The following ZSCAN32 variants were observed in gnomAD, a reference collection of about 807,000 sequenced individuals.
The protein encoded by ZSCAN32 is zinc finger and SCAN domain-containing protein 32.
Under a neutral mutation model 47.4 loss-of-function variants are expected in ZSCAN32, and 52 were observed. That is an observed-to-expected ratio of 1.10 (90% CI 0.88 to 1.38). The LOEUF (loss-of-function observed/expected upper bound fraction) is 1.38, where lower values mean the gene tolerates loss of function less well. Ranked by LOEUF, ZSCAN32 falls within the 40% of genes most tolerant of loss-of-function variation. The pLI, the probability that ZSCAN32 is intolerant of heterozygous loss-of-function variation, is 0.00. For missense variants in ZSCAN32, 959 were observed against 846.0 expected, an observed-to-expected ratio of 1.13 and a Z score of -1.66; for synonymous variants, 346 against 305.7, an observed-to-expected ratio of 1.13 and a Z score of -1.38.
chr16:3,383,719 A>G lies in ZSCAN32; in HGVS notation c.1235-8T>C, dbSNP rs1247752078. On this transcript the variant is annotated splice_polypyrimidine_tract_variant and splice_region_variant and intron_variant, in intron 6 of 6. Transcript: ENST00000396852. ...CGTTCTTGAACTCAAAACCTGAAAA[A>G]AAAAAACCCCACAGAAATACAATGG... 1 of 1,565,266 alleles carries G rather than the reference A, an allele frequency of 6.4e-7. No individual in the cohort carries two copies.
rs750159570 is a variant in ZSCAN32, at chr16:3,383,434, A to G, written c.1512T>C (p.Ser504=). The part of the protein sequence containing the change: ...CTHILCGKNC[S]QSVHSPHKPA... ...GCTTGTGGGGAGAGTGCACACTCTG[A>G]GAGCAGTTTTTCCCACAGAGGATAT... is the stretch of plus-strand genomic sequence containing the variant. Residue 504 remains serine (S), a synonymous_variant, in exon 7 of 7, where the codon TCT becomes TCC. Coordinates refer to ENST00000396852, the MANE Select transcript of ZSCAN32 (RefSeq NM_001284527.2). 2 of 1,614,184 alleles carry G rather than the reference A, an allele frequency of 1.2e-6. No homozygotes were observed. Among genetic ancestry groups the G allele is most frequent in the Admixed American group, 3.3e-5 (2 of 60,026 alleles).
intron 3 of ZSCAN32, among the ~76,000 whole-genome samples, chr16:3,392,227 T>C (rs764881324): frequency 6.6e-6 from 1 of 152,188 alleles, no homozygotes; most frequent in Non-Finnish European, 1.5e-5. Flanking sequence ...GTTTAATGGG[T>C]ACAGGGTTTC....
intron 6 of ZSCAN32, chr16:3,384,237 A>G (rs1596443408): frequency 3.2e-6 from 2 of 621,548 alleles, no homozygotes; most frequent in Non-Finnish European, 5.6e-6. Context: ...ATGGGAAAAG[A>G]TGACATGAAC....
intron 2 of ZSCAN32, among the ~76,000 whole-genome samples, chr16:3,395,002 T>A (rs1304857618): frequency 6.6e-6 from 1 of 152,214 alleles, no homozygotes; most frequent in Non-Finnish European, 1.5e-5. Context: ...TCTGAAACGA[T>A]CTTTATGGTT....
rs1332154133 is a variant in ZSCAN32, at chr16:3,397,399, T to C, written c.159A>G (p.Glu53=). ...AGAGTTCCCAGAGTTTGCTAAAAGCTTCATGTGGGCCAGTTACCTCCTGGT... is the reference window on the plus strand; with the variant it reads ...AGAGTTCCCAGAGTTTGCTAAAAGCCTCATGTGGGCCAGTTACCTCCTGGT... ...FCYQEVTGPH[E]AFSKLWELCC... Residue 53 remains glutamate (E), a synonymous_variant, in exon 2 of 7, where the codon GAA becomes GAG. Transcript: ENST00000396852. 4 of 1,553,366 alleles carry C rather than the reference T, an allele frequency of 2.6e-6. No individual in the cohort carries two copies. In the East Asian group the frequency reaches 9.7e-5, roughly 38 times the overall value.
At chr16:3,390,366 A>G in intron 4 of ZSCAN32, 57 bp downstream of exon 4, 1 of 1,462,476 alleles carries the variant, frequency 6.8e-7, no homozygotes, top group Non-Finnish European at 9.2e-7. Flanking sequence ...GGAAAGGAGG[A>G]GGGTTTTGGG....
Position 3,384,594 on chromosome 16 carries a change from T to C in ZSCAN32, c.1099A>G (p.Asn367Asp), listed in dbSNP as rs766772123. 10 of 1,614,052 alleles carry C rather than the reference T, an allele frequency of 6.2e-6. No homozygotes were observed. The African/African-American group carries it at 1.1e-4, about 17-fold the overall frequency. ...TCCGTGGGTTCCCCATTCTGGTGAT[T>C]CAGCTCTCCAGCCTCAATATCACTT... is the stretch of plus-strand genomic sequence containing the variant. The part of the protein sequence containing the change: ...EGSDIEAGEL[N>D]HQNGEPTEVE... The change falls in exon 6 of 7, where the codon AAT becomes GAT. Residue 367 changes from asparagine (N) to aspartate (D), a missense_variant. Coordinates refer to ENST00000396852, the MANE Select transcript of ZSCAN32 (RefSeq NM_001284527.2).
intron 1 of ZSCAN32, among the ~76,000 whole-genome samples, chr16:3,398,054 G>C (rs1040111768): frequency 1.2e-4 from 19 of 152,296 alleles, no homozygotes; most frequent in African/African-American, 4.6e-4. Context: ...TAGTTTGAAT[G>C]ATAATAACCC....
At chr16:3,385,250 C>A (rs904752807) in intron 5 of ZSCAN32, among the ~76,000 whole-genome samples, 1 of 152,102 alleles carries the variant, frequency 6.6e-6, no homozygotes, top group Non-Finnish European at 1.5e-5. Context: ...CACTTGAACC[C>A]AGGAGGCAGA....
Position 3,382,718 on chromosome 16 carries a change from C to G in ZSCAN32, c.*134G>C. 1 of 1,411,314 alleles carries G rather than the reference C, an allele frequency of 7.1e-7. No individual in the cohort carries two copies. The highest frequency in any genetic ancestry group is 9.4e-7 in the Non-Finnish European group (1 of 1,063,456). 87.4% of individuals were successfully genotyped at this position (1,411,314 alleles called of 1,614,324 possible). A position where few individuals can be genotyped will look rare whatever the true frequency, so the allele number is the denominator to read the frequency against. ...CAGCGTCCTTATGCTGACTCCTGGT[C>G]CTAGACATGGGTCTTAAGATCCAGT... On this transcript the variant is annotated 3_prime_UTR_variant, in exon 7 of 7. Transcript: ENST00000396852.
In ZSCAN32 at chr16:3,390,043, C is replaced by T. The variant is rs1448906101; in HGVS notation, c.718G>A (p.Ala240Thr). The change falls in exon 5 of 7, where the codon GCC (alanine) becomes ACC (threonine). Residue 240 changes from alanine to threonine, a missense_variant. Coordinates refer to ENST00000396852, the MANE Select transcript of ZSCAN32 (RefSeq NM_001284527.2). ...GPAQRALYRG[A>T]TQRKDSHVSL... ...ACGTGACTGTCCTTCCTCTGGGTGG[C>T]ACCCCTGTAGAGGGCCCTTTGTGCA... is the stretch of plus-strand genomic sequence containing the variant. 2 of 1,613,582 alleles carry T rather than the reference C, an allele frequency of 1.2e-6. No individual in the cohort carries two copies. The highest frequency in any genetic ancestry group is 2.2e-5 in the East Asian group (1 of 44,884).
intron 3 of ZSCAN32, among the ~76,000 whole-genome samples, chr16:3,393,218 A>AGAAATATATATATT (rs1596219602): frequency 2.1e-4 from 4 of 19,146 alleles, no homozygotes; most frequent in African/African-American, 1.6e-3. Flanking sequence ...TTATATATAT[A>AGAAATATATATATT]TATATATATA....
Position 3,383,338 on chromosome 16 carries a change from A to T in ZSCAN32, c.1608T>A (p.Leu536=), listed in dbSNP as rs985192867. 1.2e-6 allele frequency: 2 copies of T among 1,614,222 alleles called. No homozygotes were observed. Among genetic ancestry groups the T allele is most frequent in the South Asian group, 2.2e-5 (2 of 91,080 alleles). Residue 536 remains leucine (L), a synonymous_variant, in exon 7 of 7, where the codon CTT becomes CTA. Transcript: ENST00000396852. ...CGKTFSRSSY[L]VRHQRIHTGE... is the part of the protein sequence containing the mutation. Reference sequence around the variant, plus strand: ...CTGTGTGGATTCTTTGATGCCGAACAAGATAAGAACTTCGGCTAAAGGTTT... The same window carrying T: ...CTGTGTGGATTCTTTGATGCCGAACTAGATAAGAACTTCGGCTAAAGGTTT...
chr16:3,383,422 G>A lies in ZSCAN32; in HGVS notation c.1524C>T (p.His508=). 1 of 1,614,218 alleles carries A rather than the reference G, an allele frequency of 6.2e-7. No homozygotes were observed. The highest frequency in any genetic ancestry group is 8.5e-7 in the Non-Finnish European group (1 of 1,180,046). The change falls in exon 7 of 7, where the codon CAC becomes CAT. Residue 508 remains histidine (H), a synonymous_variant. Coordinates refer to ENST00000396852, the MANE Select transcript of ZSCAN32 (RefSeq NM_001284527.2). The stretch of plus-strand genomic sequence containing the variant: ...GTTTGAGCGCTGGCTTGTGGGGAGA[G>A]TGCACACTCTGAGAGCAGTTTTTCC... ...LCGKNCSQSV[H]SPHKPALKLE...
intron 2 of ZSCAN32, among the ~76,000 whole-genome samples, chr16:3,394,492 C>A (rs2033179865): frequency 6.6e-6 from 1 of 152,172 alleles, no homozygotes; most frequent in Non-Finnish European, 1.5e-5. Context: ...TTGGTCCTCT[C>A]TCTTCACCTC....
At chr16:3,398,324 A>G (rs572072765) in intron 1 of ZSCAN32, among the ~76,000 whole-genome samples, 3 of 152,000 alleles carry the variant, frequency 2.0e-5, no homozygotes, top group African/African-American at 7.2e-5. Context: ...CCCACCCAAA[A>G]TCGCACTCAG....
chr16:3,383,174 C>T lies in ZSCAN32; in HGVS notation c.1772G>A (p.Ser591Asn). ...ATGGGTCCTCTGGTGGACAATGAGGCTGGAACTCTGGTTGAAGCTTTTCCC... is the reference window on the plus strand; with the variant it reads ...ATGGGTCCTCTGGTGGACAATGAGGTTGGAACTCTGGTTGAAGCTTTTCCC... ...QCGKSFNQSS[S>N]LIVHQRTHTG... Residue 591 changes from serine to asparagine, a missense_variant, in exon 7 of 7, where the codon AGC (serine) becomes AAC (asparagine). Coordinates refer to ENST00000396852, the MANE Select transcript of ZSCAN32 (RefSeq NM_001284527.2). The T allele has an allele frequency of 3.7e-6, 6 of 1,614,122 alleles. No homozygotes were observed. Among genetic ancestry groups the T allele is most frequent in the Non-Finnish European group, 5.1e-6 (6 of 1,180,014 alleles).
chr16:3,393,863 G>C (rs2150899994), intron 2 of ZSCAN32, 49 bp from the exon 3 acceptor site: 1 of 1,467,088 alleles, frequency 6.8e-7, no homozygotes, highest in South Asian at 1.3e-5. Flanking sequence ...GCCTAAGCTG[G>C]ACTTTACAAC....
At position 3,384,470 on chromosome 16, in the gene ZSCAN32, G is replaced by T; in HGVS notation, c.1223C>A (p.Pro408Gln). ...CAAGGGAGTCTTACCAAGTCTGTTT[G>T]GGAACAGCACTGGCAGGTCTAGTTT... ...VRKLDLPVLF[P>Q]NRLGFEFKNE... Residue 408 changes from proline to glutamine, a missense_variant, in exon 6 of 7, where the codon CCA (proline) becomes CAA (glutamine). Coordinates refer to ENST00000396852, the MANE Select transcript of ZSCAN32 (RefSeq NM_001284527.2). 1.2e-6 allele frequency: 2 copies of T among 1,614,098 alleles called. No homozygotes were observed. The highest frequency in any genetic ancestry group is 1.7e-6 in the Non-Finnish European group (2 of 1,180,014).
Sources: allele counts gnomAD v4.1 joint callset (sites outside exome capture counted in the v4.1 genomes callset), GRCh38; gene constraint gnomAD v4.1.1; transcripts MANE v1.5; gene names NCBI Gene and HGNC (gene_info 2026-07-23, HGNC 2026-07-21).